The following MERTK variants were observed in gnomAD, a reference collection of about 807,000 sequenced individuals.
MERTK encodes MER proto-oncogene, tyrosine kinase, also known as tyrosine-protein kinase Mer.
In MERTK, 69 loss-of-function variants were observed where a neutral mutation model predicts 99.3. The ratio of observed to expected loss-of-function variants is 0.70; its 90% confidence interval spans 0.57 to 0.85. The LOEUF (loss-of-function observed/expected upper bound fraction) is 0.85. Ranked by LOEUF, MERTK falls within the 40% of genes least tolerant of loss-of-function variation. The pLI is 0.00. For missense variants in MERTK, 1,125 were observed against 1,249.4 expected (o/e 0.90, Z 1.50); for synonymous variants, 426 against 467.6 (o/e 0.91, Z 1.15).
chr2:111,988,684 G>A (rs1487328444), intron 8 of MERTK, among the ~76,000 whole-genome samples: 2 of 152,204 alleles, frequency 1.3e-5, no homozygotes, highest in African/African-American at 2.4e-5. Flanking sequence ...GGTGGCTCAC[G>A]CCTATAATCT....
At chr2:111,942,309 G>C (rs1228741596) in intron 2 of MERTK, among the ~76,000 whole-genome samples, 1 of 152,076 alleles carries the variant, frequency 6.6e-6, no homozygotes, top group Non-Finnish European at 1.5e-5. Flanking sequence ...CCCCTCTTCA[G>C]TAGCCTTGGT....
chr2:111,978,449 TTTTG>T (rs146880586), intron 7 of MERTK, among the ~76,000 whole-genome samples: 6,567 of 94,318 alleles, frequency 0.07, 484 homozygotes, highest in African/African-American at 0.19. Flanking sequence ...CCAGCATGTT[TTTTG>T]TTTGTTTGTT....
intron 1 of MERTK, among the ~76,000 whole-genome samples, chr2:111,916,548 C>CT (rs1432154605): frequency 1.3e-5 from 2 of 151,410 alleles, no homozygotes; most frequent in African/African-American, 4.9e-5. Flanking sequence ...CTAAAATTTC[C>CT]TTTTGATTTT....
At chr2:111,916,508 T>A (rs371288859) in intron 1 of MERTK, among the ~76,000 whole-genome samples, 1 of 152,190 alleles carries the variant, frequency 6.6e-6, no homozygotes, top group Non-Finnish European at 1.5e-5. Flanking sequence ...ATTGAGTTTT[T>A]AAATTTTTGG....
At chr2:111,910,610 G>GTGTGTA (rs370882764) in intron 1 of MERTK, among the ~76,000 whole-genome samples, 49 of 143,636 alleles carry the variant, frequency 3.4e-4, no homozygotes, top group African/African-American at 4.9e-4. Flanking sequence ...GTGTGTGTGT[G>GTGTGTA]TATATATATA....
At chr2:111,995,832 C>T (rs755168268) in intron 9 of MERTK, among the ~76,000 whole-genome samples, 10 of 152,024 alleles carry the variant, frequency 6.6e-5, no homozygotes, top group Non-Finnish European at 1.2e-4. Context: ...TGGTGGCATG[C>T]GCCTGTGGTC....
In MERTK at chr2:112,004,115, A is replaced by AG. The variant is rs1327221953; in HGVS notation, c.1867+136dup. 1.6e-5 allele frequency: 12 copies of AG among 753,182 alleles called. No homozygotes were observed. In the Admixed American group the frequency reaches 2.4e-4, roughly 15 times the overall value. 46.7% of individuals were successfully genotyped at this position (753,182 alleles called of 1,614,324 possible). A position where few individuals can be genotyped will look rare whatever the true frequency, so the allele number is the denominator to read the frequency against. The stretch of plus-strand genomic sequence containing the variant: ...AGGCAATGTGGAACACTGGTCACCA[A>AG]GGGGGACTTACTTTAATGAGCTCTT... On this transcript the variant is annotated intron_variant, in intron 13 of 18. Coordinates refer to ENST00000295408, the MANE Select transcript of MERTK (RefSeq NM_006343.3).
chr2:111,996,895 G>C (rs183991772), intron 9 of MERTK: 2 of 248,052 alleles, frequency 8.1e-6, no homozygotes, highest in South Asian at 9.4e-5. Context: ...ACCTACTCTC[G>C]ATCGTTTTTT....
intron 4 of MERTK, among the ~76,000 whole-genome samples, chr2:111,962,935 A>G (rs1685278569): frequency 6.6e-6 from 1 of 152,160 alleles, no homozygotes; most frequent in Non-Finnish European, 1.5e-5. Flanking sequence ...GATAAAGTAT[A>G]GAGAAAGAAA....
chr2:111,971,585 A>T (rs1435739465), intron 6 of MERTK, among the ~76,000 whole-genome samples: 1 of 152,138 alleles, frequency 6.6e-6, no homozygotes, highest in Non-Finnish European at 1.5e-5. Context: ...AGAAGTGTGT[A>T]TTTAAATTGT....
intron 4 of MERTK, 91 bp from the exon 5 acceptor site, chr2:111,965,100 G>T: frequency 2.4e-6 from 3 of 1,270,562 alleles, no homozygotes; most frequent in East Asian, 2.3e-5. Flanking sequence ...CATGAACCAA[G>T]AAATAAAATA....
At chr2:112,022,888 C>A (rs1487346891) in intron 18 of MERTK, among the ~76,000 whole-genome samples, 1 of 152,116 alleles carries the variant, frequency 6.6e-6, no homozygotes. Context: ...TCATCAGAAT[C>A]GCTTGGGAGA....
chr2:111,926,890 C>T (rs1305164090), intron 1 of MERTK, among the ~76,000 whole-genome samples: 1 of 152,222 alleles, frequency 6.6e-6, no homozygotes, highest in Non-Finnish European at 1.5e-5. Flanking sequence ...TAGGTCCACC[C>T]TTGTGAAGGT....
intron 1 of MERTK, among the ~76,000 whole-genome samples, chr2:111,924,842 T>C (rs1573574195): frequency 1.3e-5 from 2 of 152,272 alleles, no homozygotes; most frequent in East Asian, 3.9e-4. Flanking sequence ...AGGCACCTTC[T>C]CCATCCCTCA....
At position 111,925,292 on chromosome 2, in the gene MERTK, ATTTTTTTTTT is replaced by A. The variant is rs11433691; in HGVS notation, c.62-3811_62-3802del. 3.4e-3 allele frequency among the ~76,000 whole-genome samples: 83 copies of A among 24,504 alleles called. 4 individuals are homozygous for A. The highest frequency in any genetic ancestry group is 0.011 in the African/African-American group (77 of 7,018). 16.1% of individuals were successfully genotyped at this position (24,504 alleles called of 152,430 possible). ...ACAGATCAGATATATATATATATAT[ATTTTTTTTTT>A]TTTTTTTTTTTTTTTTGAGATGGAT... is the stretch of plus-strand genomic sequence containing the variant. On this transcript the variant is annotated intron_variant, in intron 1 of 18. Coordinates refer to ENST00000295408, the MANE Select transcript of MERTK (RefSeq NM_006343.3).
chr2:111,951,549 A>ATATATATATATATATATATATATATATAT (rs1685057322), intron 4 of MERTK, among the ~76,000 whole-genome samples: 1 of 118,776 alleles, frequency 8.4e-6, no homozygotes, highest in Non-Finnish European at 1.8e-5. Context: ...ATATATATAT[A>ATATATATATATATATATATATATATATAT]CCATAATTTT....
chr2:111,994,911 T>C (rs1277663740), intron 9 of MERTK, among the ~76,000 whole-genome samples: 1 of 152,242 alleles, frequency 6.6e-6, no homozygotes, highest in African/African-American at 2.4e-5. Context: ...TTACTATTAA[T>C]GGTAATAACT....
chr2:111,915,761 G>A (rs940435473), intron 1 of MERTK, among the ~76,000 whole-genome samples: 1 of 152,112 alleles, frequency 6.6e-6, no homozygotes, highest in Non-Finnish European at 1.5e-5. Context: ...CAGGCTTGGT[G>A]GCACGTGCCT....
Position 112,021,519 on chromosome 2 carries a change from C to G in MERTK, c.2287C>G (p.Pro763Ala). ...YYRQGRIAKMPVKWIAIESLA... is the reference protein window; with the variant it reads ...YYRQGRIAKMAVKWIAIESLA... ...CCGCCAAGGCCGCATTGCTAAGATG[C>G]CTGTTAAATGGATCGCCATAGAAAG... The change falls in exon 17 of 19, where the codon CCT (proline) becomes GCT (alanine). Residue 763 changes from proline (P) to alanine (A), a missense_variant. Physicochemically the swap from Pro to Ala is conservative, Grantham distance 27. Transcript: ENST00000295408. 27 of 1,613,920 alleles carry G rather than the reference C, an allele frequency of 1.7e-5. No individual in the cohort carries two copies. Among genetic ancestry groups the G allele is most frequent in the Non-Finnish European group, 2.3e-5 (27 of 1,179,916 alleles).
Sources: allele counts gnomAD v4.1 joint callset (sites outside exome capture counted in the v4.1 genomes callset), GRCh38; gene constraint gnomAD v4.1.1; transcripts MANE v1.5; gene names NCBI Gene and HGNC (gene_info 2026-07-23, HGNC 2026-07-21).